ARHGAP42: variants seen among roughly 807,000 people sequenced by gnomAD.
ARHGAP42 encodes the protein Rho GTPase activating protein 42, also known as rho GTPase-activating protein 42.
Under a neutral mutation model 125.0 loss-of-function variants are expected in ARHGAP42, and 63 were observed. The observed-to-expected ratio is 0.50, with a 90% CI of 0.41 to 0.62. ARHGAP42 has a LOEUF of 0.62. Ranked by LOEUF, ARHGAP42 falls within the 20% of genes least tolerant of loss-of-function variation. The probability of loss-of-function intolerance (pLI) is 0.00; values close to 1 mark genes in which losing one functional copy is unlikely to be tolerated. For missense variants in ARHGAP42, 766 were observed against 1,024.2 expected, an observed-to-expected ratio of 0.75 and a Z score of 3.44; for synonymous variants, 339 against 351.0, an observed-to-expected ratio of 0.97 and a Z score of 0.38.
chr11:100,728,713 CGTATATATATATATATATATAT>C (rs59089519), intron 1 of ARHGAP42, among the ~76,000 whole-genome samples: 1,505 of 95,312 alleles, frequency 0.016, 74 homozygotes, highest in African/African-American at 0.051. Flanking sequence ...AATGACTTTG[CGTATATATATATATATATATAT>C]ATATATATAT....
At chr11:100,925,872 T>C (rs1298835508) in intron 6 of ARHGAP42, among the ~76,000 whole-genome samples, 1 of 152,178 alleles carries the variant, frequency 6.6e-6, no homozygotes, top group Non-Finnish European at 1.5e-5. Flanking sequence ...AGTGTAGGTC[T>C]ATGATGGGGG....
chr11:100,886,957 G>C (rs1866106194), intron 4 of ARHGAP42, among the ~76,000 whole-genome samples: 1 of 152,110 alleles, frequency 6.6e-6, no homozygotes, highest in Non-Finnish European at 1.5e-5. Context: ...ATACAAAGCT[G>C]TGTTTGTAAG....
In ARHGAP42 at chr11:100,948,552, T is replaced by C. The variant is rs1375148159; in HGVS notation, c.1122+17T>C. 4.6e-6 allele frequency: 7 copies of C among 1,532,314 alleles called. No individual in the cohort carries two copies. In the Admixed American group the frequency reaches 8.4e-5, roughly 18 times the overall value. The allele number at this position is 1,532,314 out of a possible 1,614,324, so 94.9% of individuals were successfully genotyped here. A position where few individuals can be genotyped will look rare whatever the true frequency, so the allele number is the denominator to read the frequency against. Reference sequence around the variant, plus strand: ...AAGGAACCGGTAAGACTATGACACATTCTATAATTTAGGTTTTATTGTCCT... The same window carrying C: ...AAGGAACCGGTAAGACTATGACACACTCTATAATTTAGGTTTTATTGTCCT... On this transcript the variant is annotated intron_variant, in intron 11 of 23. Transcript: ENST00000298815.
chr11:100,950,470 G>T (rs923840983), intron 12 of ARHGAP42, among the ~76,000 whole-genome samples: 1 of 151,432 alleles, frequency 6.6e-6, no homozygotes, highest in African/African-American at 2.4e-5. Context: ...AACACTTCTT[G>T]CTGGTTTTAG....
intron 12 of ARHGAP42, among the ~76,000 whole-genome samples, chr11:100,954,176 C>T (rs1289150170): frequency 6.6e-6 from 1 of 152,058 alleles, no homozygotes; most frequent in East Asian, 1.9e-4. Flanking sequence ...TGTGTGATGG[C>T]TTCTGAGCTG....
rs549216624 is a variant in ARHGAP42, at chr11:100,726,749, A to G, written c.154+38917A>G. 2.0e-5 allele frequency among the ~76,000 whole-genome samples: 3 copies of G among 152,334 alleles called. No homozygotes were observed. In the South Asian group the frequency reaches 6.2e-4, roughly 32 times the overall value. Reference sequence around the variant, plus strand: ...ATAATTTCAGCTCCTTGAGTGGATGACTGAGCTGTTGCCATCTGAGTTGTG... The same window carrying G: ...ATAATTTCAGCTCCTTGAGTGGATGGCTGAGCTGTTGCCATCTGAGTTGTG... On this transcript the variant is annotated intron_variant, in intron 1 of 23. Coordinates refer to ENST00000298815, the MANE Select transcript of ARHGAP42 (RefSeq NM_152432.4).
intron 6 of ARHGAP42, among the ~76,000 whole-genome samples, chr11:100,929,386 C>T (rs1867514769): frequency 6.6e-6 from 1 of 152,112 alleles, no homozygotes; most frequent in African/African-American, 2.4e-5. Context: ...ATTGGGGACC[C>T]CTATTATAAA....
chr11:100,813,339 G>A (rs187618716), intron 3 of ARHGAP42, among the ~76,000 whole-genome samples: 8 of 152,218 alleles, frequency 5.3e-5, no homozygotes, highest in African/African-American at 1.4e-4. Flanking sequence ...GTCCCTCAGG[G>A]GTCAAAGTCA....
At chr11:100,953,169 A>T (rs1857710771) in intron 12 of ARHGAP42, among the ~76,000 whole-genome samples, 1 of 152,074 alleles carries the variant, frequency 6.6e-6, no homozygotes, top group African/African-American at 2.4e-5. Context: ...ACTCCCCTAA[A>T]GGTAGCATTG....
intron 1 of ARHGAP42, among the ~76,000 whole-genome samples, chr11:100,719,626 C>A (rs1181791164): frequency 6.6e-6 from 1 of 152,150 alleles, no homozygotes; most frequent in African/African-American, 2.4e-5. Context: ...GGTGACCTCA[C>A]CCATATCTCT....
intron 1 of ARHGAP42, 94 bp from the exon 2 acceptor site, chr11:100,770,249 A>G (rs1862940921): frequency 1.2e-6 from 1 of 856,608 alleles, no homozygotes; most frequent in African/African-American, 1.7e-5. Flanking sequence ...TTCATATAAT[A>G]CAAAATCAAA....
intron 1 of ARHGAP42, among the ~76,000 whole-genome samples, chr11:100,709,438 G>A (rs1861527080): frequency 6.6e-6 from 1 of 152,202 alleles, no homozygotes; most frequent in Non-Finnish European, 1.5e-5. Flanking sequence ...GGAGAAGCTG[G>A]ACAGTGGGGT....
chr11:100,965,537 T>A (rs1310875318), intron 16 of ARHGAP42, 134 bp from the exon 17 acceptor site: 1 of 755,426 alleles, frequency 1.3e-6, no homozygotes, highest in Non-Finnish European at 2.2e-6. Flanking sequence ...GGAATGATAA[T>A]GACAGTACTA....
At chr11:100,872,624 G>A (rs998647876) in intron 4 of ARHGAP42, among the ~76,000 whole-genome samples, 8 of 152,096 alleles carry the variant, frequency 5.3e-5, no homozygotes, top group African/African-American at 1.7e-4. Context: ...AACTCCTGAC[G>A]TCAGGTGATT....
intron 2 of ARHGAP42, among the ~76,000 whole-genome samples, chr11:100,793,033 C>T (rs1053928433): frequency 7.2e-5 from 11 of 152,064 alleles, no homozygotes; most frequent in Non-Finnish European, 1.2e-4. Context: ...GGATTACAGG[C>T]GTGAGCCACC....
intron 3 of ARHGAP42, among the ~76,000 whole-genome samples, chr11:100,853,590 C>T (rs1865255635): frequency 6.6e-6 from 1 of 152,020 alleles, no homozygotes; most frequent in Non-Finnish European, 1.5e-5. Context: ...TTAATTACAT[C>T]ACAGTGGATT....
intron 17 of ARHGAP42, among the ~76,000 whole-genome samples, chr11:100,967,307 G>T (rs1292578031): frequency 2.0e-5 from 3 of 151,966 alleles, no homozygotes; most frequent in African/African-American, 4.8e-5. Context: ...TGTTTTCTTT[G>T]ATTCTCAACT....
intron 4 of ARHGAP42, among the ~76,000 whole-genome samples, chr11:100,873,347 A>G (rs749715683): frequency 2.0e-5 from 3 of 152,178 alleles, no homozygotes; most frequent in Non-Finnish European, 4.4e-5. Flanking sequence ...TTCTGTTTCT[A>G]CAAGGGATGT....
chr11:100,748,379 G>C (rs1472418654), intron 1 of ARHGAP42, among the ~76,000 whole-genome samples: 1 of 148,092 alleles, frequency 6.8e-6, no homozygotes, highest in East Asian at 1.9e-4. Flanking sequence ...TCAATCACCC[G>C]ACTGTCCTGA....
Sources: allele counts gnomAD v4.1 joint callset (sites outside exome capture counted in the v4.1 genomes callset), GRCh38; gene constraint gnomAD v4.1.1; transcripts MANE v1.5; gene names NCBI Gene and HGNC (gene_info 2026-07-23, HGNC 2026-07-21).